MRTFA: variants seen among roughly 807,000 people sequenced by gnomAD.
MRTFA encodes the protein myocardin-related transcription factor A.
Under a neutral mutation model 83.5 loss-of-function variants are expected in MRTFA, and 20 were observed. That is an observed-to-expected ratio of 0.24 (90% confidence interval 0.17 to 0.35). MRTFA has a LOEUF of 0.35. Ranked by LOEUF, MRTFA falls within the 10% of genes least tolerant of loss-of-function variation. The pLI is 1.00. For missense variants in MRTFA, 1,200 were observed against 1,224.7 expected (o/e 0.98, Z 0.30); for synonymous variants, 659 against 541.2 (o/e 1.22, Z -3.02).
intron 9 of MRTFA, among the ~76,000 whole-genome samples, chr22:40,422,124 AGTACAG>A (rs1043214885): frequency 2.2e-4 from 33 of 147,816 alleles, no homozygotes; most frequent in Admixed American, 4.0e-4. Flanking sequence ...AGCAGGAAGA[AGTACAG>A]GCAGAGGCAG....
intron 2 of MRTFA, among the ~76,000 whole-genome samples, chr22:40,565,980 C>T (rs1330561912): frequency 1.3e-5 from 2 of 152,100 alleles, no homozygotes; most frequent in Non-Finnish European, 2.9e-5. Context: ...ATACTTGATC[C>T]TGGGCAGTGA....
chr22:40,602,469 G>C (rs1342618687), intron 1 of MRTFA, among the ~76,000 whole-genome samples: 1 of 152,066 alleles, frequency 6.6e-6, no homozygotes, highest in African/African-American at 2.4e-5. Context: ...GGTGATTCAG[G>C]ATAAAGAGAA....
rs2054184521 is a variant in MRTFA at position 40,487,000 on chromosome 22, T to A, written c.242-23714A>T. Among the ~76,000 whole-genome samples the A allele has an allele frequency of 2.0e-5, 3 of 152,060 alleles. No homozygotes were observed. The South Asian group carries it at 6.2e-4, about 31-fold the overall frequency. ...AACAAAAACAAACAAAAGAGAAGGG[T>A]AGCAGGTGTACAAAAATAAATTCAC... On this transcript the variant is annotated intron_variant, in intron 3 of 14. Coordinates refer to ENST00000355630, the MANE Select transcript of MRTFA (RefSeq NM_020831.6).
chr22:40,419,282 G>T lies in MRTFA; in HGVS notation c.1456C>A (p.Pro486Thr). Residue 486 changes from proline to threonine, a missense_variant, in exon 12 of 15, where the codon CCT becomes ACT. Transcript: ENST00000355630. ...GGGGCCTTGGGGGCTCCTGGCACAG[G>T]GCTGATTTGGTCTTGATAGGCTCGA... 1 of 1,613,802 alleles carries T rather than the reference G, an allele frequency of 6.2e-7. No individual in the cohort carries two copies. Among genetic ancestry groups the T allele is most frequent in the Non-Finnish European group, 8.5e-7 (1 of 1,179,948 alleles).
intron 9 of MRTFA, 112 bp downstream of exon 9, chr22:40,423,424 G>C (rs1315529755): frequency 9.9e-7 from 1 of 1,013,128 alleles, no homozygotes; most frequent in African/African-American, 1.7e-5. Context: ...AGACCAATGG[G>C]AGAAGACACG....
intron 1 of MRTFA, 98 bp downstream of exon 1, chr22:40,636,380 C>G (rs936206607): frequency 9.2e-5 from 14 of 152,454 alleles, no homozygotes; most frequent in Middle Eastern, 3.4e-3. Context: ...GCCCGACCCC[C>G]CGAGGACGCG....
rs375323495 is a variant in MRTFA at position 40,449,271 on chromosome 22, C to T, written c.308-13717G>A. 2.6e-3 allele frequency among the ~76,000 whole-genome samples: 269 copies of T among 103,328 alleles called. 3 individuals are homozygous for T. The highest frequency in any genetic ancestry group is 5.7e-3 in the Middle Eastern group (1 of 174). The allele number at this position is 103,328 out of a possible 152,430, so 67.8% of individuals were successfully genotyped here. On this transcript the variant is annotated intron_variant, in intron 4 of 14. Transcript: ENST00000355630. ...GACAGAACGAGACTCGGTCTCCAAA[C>T]GAGAAAAAAAAAAAAAAAAAGAAAA...
At chr22:40,489,630 T>C (rs1366611776) in intron 3 of MRTFA, among the ~76,000 whole-genome samples, 1 of 151,900 alleles carries the variant, frequency 6.6e-6, no homozygotes, top group Non-Finnish European at 1.5e-5. Context: ...TTGAGTCCTT[T>C]CAAGACTGAG....
chr22:40,512,551 T>C (rs924139421), intron 3 of MRTFA, among the ~76,000 whole-genome samples: 1 of 152,160 alleles, frequency 6.6e-6, no homozygotes, highest in African/African-American at 2.4e-5. Flanking sequence ...TCCCTAACCA[T>C]GAGAACCACT....
At chr22:40,594,853 T>C (rs769167234) in intron 1 of MRTFA, 118 bp from the exon 2 acceptor site, 1 of 138,008 alleles carries the variant, frequency 7.2e-6, no homozygotes. Context: ...ATCCTCTCCA[T>C]GCACACAACA....
chr22:40,470,273 A>ATT (rs2053884349), intron 3 of MRTFA, among the ~76,000 whole-genome samples: 2 of 110,934 alleles, frequency 1.8e-5, no homozygotes, highest in African/African-American at 6.7e-5. Flanking sequence ...ATATATATAT[A>ATT]TATATATAAA....
rs1330468998 is a variant in MRTFA, at chr22:40,470,229, TTTTATATATATATATATATA to T, written c.242-6963_242-6944del. 0.01 allele frequency among the ~76,000 whole-genome samples: 590 copies of T among 58,760 alleles called. 26 individuals are homozygous for T. In the East Asian group the frequency reaches 0.12, roughly 12 times the overall value. The allele number at this position is 58,760 out of a possible 152,430, so 38.5% of individuals were successfully genotyped here. On this transcript the variant is annotated intron_variant, in intron 3 of 14. Coordinates refer to ENST00000355630, the MANE Select transcript of MRTFA (RefSeq NM_020831.6). ...ACACAGCAAGACCCCATCTCCAAAA[TTTTATATATATATATATATA>T]TATATATATATATATATATATATAT... is the stretch of plus-strand genomic sequence containing the variant.
chr22:40,484,021 C>G (rs1026224215), intron 3 of MRTFA, among the ~76,000 whole-genome samples: 2 of 151,860 alleles, frequency 1.3e-5, no homozygotes, highest in Non-Finnish European at 2.9e-5. Flanking sequence ...CTACACCTGG[C>G]CCTTTTCTAT....
intron 2 of MRTFA, among the ~76,000 whole-genome samples, chr22:40,580,250 A>C (rs2055927422): frequency 6.6e-6 from 1 of 152,038 alleles, no homozygotes; most frequent in Non-Finnish European, 1.5e-5. Flanking sequence ...CCAGACTGTA[A>C]AGCACTGGCA....
rs1383820556 is a variant in MRTFA at position 40,420,986 on chromosome 22, G to C, written c.1042C>G (p.Gln348Glu). The C allele has an allele frequency of 6.2e-7, 1 of 1,609,658 alleles. No individual in the cohort carries two copies. The highest frequency in any genetic ancestry group is 1.3e-5 in the African/African-American group (1 of 74,858). ...TCCATGGGGGGTGCCCCCCTGTCCT[G>C]CTTCTGGTCCGGGGGGATGTACTGG... Residue 348 changes from glutamine to glutamate, a missense_variant, in exon 10 of 15, where the codon CAG becomes GAG. Gln to Glu is a conservative substitution (Grantham distance 29, BLOSUM62 2). Transcript: ENST00000355630.
intron 4 of MRTFA, among the ~76,000 whole-genome samples, chr22:40,438,539 C>T (rs2053214090): frequency 6.6e-6 from 1 of 152,180 alleles, no homozygotes; most frequent in Admixed American, 6.5e-5. Context: ...TGGTGCACCA[C>T]TAGTGGAGGA....
chr22:40,498,271 ATATTTTTTTTTTTT>A lies in MRTFA; in HGVS notation c.242-34999_242-34986del, dbSNP rs1448029438. Among the ~76,000 whole-genome samples, 315 of 81,556 alleles carry A rather than the reference ATATTTTTTTTTTTT, an allele frequency of 3.9e-3. 2 individuals are homozygous for A. Among genetic ancestry groups the A allele is most frequent in the Non-Finnish European group, 5.6e-3 (255 of 45,188 alleles). The allele number at this position is 81,556 out of a possible 152,430, so 53.5% of individuals were successfully genotyped here. A position where few individuals can be genotyped will look rare whatever the true frequency, so the allele number is the denominator to read the frequency against. On this transcript the variant is annotated intron_variant, in intron 3 of 14. Coordinates refer to ENST00000355630, the MANE Select transcript of MRTFA (RefSeq NM_020831.6). Reference sequence around the variant, plus strand: ...ACACTTCATATATATATATATATATATATTTTTTTTTTTTTTTTTTTTTTTTTTTTTGAGGCAGG... The same window carrying A: ...ACACTTCATATATATATATATATATATTTTTTTTTTTTTTTTTGAGGCAGG...
chr22:40,599,825 G>T (rs948949396), intron 1 of MRTFA, among the ~76,000 whole-genome samples: 1 of 151,900 alleles, frequency 6.6e-6, no homozygotes, highest in Non-Finnish European at 1.5e-5. Flanking sequence ...CTTGACCCCG[G>T]GAGGTTGAGG....
chr22:40,429,445 G>A lies in MRTFA; in HGVS notation c.601+161C>T, dbSNP rs758457121. 1.4e-5 allele frequency: 11 copies of A among 793,292 alleles called. No individual in the cohort carries two copies. In the East Asian group the frequency reaches 2.9e-4, roughly 21 times the overall value. The allele number at this position is 793,292 out of a possible 1,614,324, so 49.1% of individuals were successfully genotyped here. On this transcript the variant is annotated intron_variant, in intron 7 of 14. Transcript: ENST00000355630. ...ACTATCCCAAGTTCATACAACCTGT[G>A]CATGAGGCTCTCAAACTCTGTGCCT...
Sources: gnomAD v4.1 joint callset for allele counts (sites outside exome capture counted in the v4.1 genomes callset) on GRCh38, gnomAD v4.1.1 for gene constraint, MANE v1.5 for transcripts, NCBI Gene and HGNC (gene_info 2026-07-23, HGNC 2026-07-21) for gene names.